ZNF782: variants seen among roughly 807,000 people sequenced by gnomAD.
The protein encoded by ZNF782 is zinc finger protein 782.
In ZNF782, 12 loss-of-function variants were observed where a neutral mutation model predicts 13.0. The ratio of observed to expected loss-of-function variants is 0.92; its 90% CI spans 0.59 to 1.50. The LOEUF (loss-of-function observed/expected upper bound fraction) is 1.50. ZNF782 is among the 40% of genes most tolerant of loss of function. ZNF782 has a pLI of 0.00. For synonymous variants in ZNF782, 284 were observed against 283.0 expected, an observed-to-expected ratio of 1.00 and a Z score of -0.04; for missense variants, 770 against 822.9, an observed-to-expected ratio of 0.94 and a Z score of 0.79.
Position 96,817,556 on chromosome 9 carries a change from G to A in ZNF782, c.*367C>T, listed in dbSNP as rs1850210941. The A allele has an allele frequency of 5.6e-6, 1 of 177,948 alleles. No homozygotes were observed. Among genetic ancestry groups the A allele is most frequent in the Non-Finnish European group, 1.2e-5 (1 of 85,862 alleles). The allele number at this position is 177,948 out of a possible 1,614,324, so 11.0% of individuals were successfully genotyped here. A position where few individuals can be genotyped will look rare whatever the true frequency, so the allele number is the denominator to read the frequency against. ...TTGTCATTGTGTGATTTCTCTGATGGTGAATGAGTTTTGATTGTTGGCACA... is the reference window on the plus strand; with the variant it reads ...TTGTCATTGTGTGATTTCTCTGATGATGAATGAGTTTTGATTGTTGGCACA... On this transcript the variant is annotated 3_prime_UTR_variant, in exon 6 of 6. Transcript: ENST00000481138.
upstream of ZNF782, among the ~76,000 whole-genome samples, chr9:96,858,469 G>A (rs1851669659): frequency 6.6e-6 from 1 of 152,160 alleles, no homozygotes. The surrounding 1 kb of genome is among the most constrained non-coding windows in gnomAD (Gnocchi z 4.4). Context: ...GGCACCAACT[G>A]GACACAGAAA....
intron 4 of ZNF782, among the ~76,000 whole-genome samples, chr9:96,828,472 T>C (rs1172729842): frequency 6.6e-6 from 1 of 152,116 alleles, no homozygotes; most frequent in Non-Finnish European, 1.5e-5. Flanking sequence ...AATTACTAGG[T>C]ATGAACAGAA....
At chr9:96,833,189 G>A (rs899077248) in intron 4 of ZNF782, among the ~76,000 whole-genome samples, 6 of 152,078 alleles carry the variant, frequency 3.9e-5, no homozygotes, top group African/African-American at 9.7e-5. Flanking sequence ...AATTTCCCTC[G>A]CTATTAACAA....
the ZNF782 span, among the ~76,000 whole-genome samples, chr9:96,915,152 A>T: frequency 6.6e-6 from 1 of 151,802 alleles, no homozygotes; most frequent in East Asian, 1.9e-4. Flanking sequence ...TTAGGTATCC[A>T]ATATAATAAA....
At position 96,819,350 on chromosome 9, in the gene ZNF782, G is replaced by T; in HGVS notation, c.673C>A (p.Leu225Ile). The T allele has an allele frequency of 6.2e-7, 1 of 1,600,368 alleles. No individual in the cohort carries two copies. The highest frequency in any genetic ancestry group is 8.5e-7 in the Non-Finnish European group (1 of 1,175,262). The change falls in exon 6 of 6, where the codon CTT (leucine) becomes ATT (isoleucine). Residue 225 changes from leucine (L) to isoleucine (I), a missense_variant. Leu to Ile is a conservative substitution (Grantham distance 5). Transcript: ENST00000481138. Reference protein sequence around the residue: ...FEYNESRKAFLEKAALVTSNS... With the variant: ...FEYNESRKAFIEKAALVTSNS... ...GATGTAACAAGGGCAGCCTTTTCAA[G>T]AAAAGCTTTTCTACTTTCATTATAT...
At chr9:96,929,791 G>A in the ZNF782 span, among the ~76,000 whole-genome samples, 1 of 152,212 alleles carries the variant, frequency 6.6e-6, no homozygotes. Context: ...CTAGCTCGTG[G>A]CCCGTCCTCT....
the ZNF782 span, among the ~76,000 whole-genome samples, chr9:96,914,123 AT>A: frequency 6.6e-6 from 1 of 151,150 alleles, no homozygotes; most frequent in Non-Finnish European, 1.5e-5. Flanking sequence ...GCCTTCACTT[AT>A]GTTATTTTAT....
At chr9:96,931,650 C>A in the ZNF782 span, 71 of 1,572,872 alleles carry the variant, frequency 4.5e-5, no homozygotes, top group Non-Finnish European at 5.5e-5. Context: ...TGTTGGGACT[C>A]CCCTGATTCC....
the ZNF782 span, chr9:96,929,079 T>G: frequency 6.2e-7 from 1 of 1,610,872 alleles, no homozygotes; most frequent in Non-Finnish European, 8.5e-7. Flanking sequence ...TAGTCTGCCT[T>G]GCCTCAACTC....
At chr9:96,819,872 G>T in intron 5 of ZNF782, 94 bp from the exon 6 acceptor site, 1 of 996,538 alleles carries the variant, frequency 1.0e-6, no homozygotes, top group Non-Finnish European at 1.3e-6. Context: ...TTATGTATTT[G>T]ATTCCTTAGT....
intron 5 of ZNF782, among the ~76,000 whole-genome samples, chr9:96,822,354 G>A (rs892762007): frequency 6.6e-6 from 1 of 152,194 alleles, no homozygotes; most frequent in Admixed American, 6.5e-5. Flanking sequence ...TTTTTAGTGG[G>A]TTATAATCCA....
the ZNF782 span, among the ~76,000 whole-genome samples, chr9:96,931,514 C>A: frequency 8.3e-3 from 1,262 of 151,494 alleles, 17 homozygotes; most frequent in African/African-American, 0.028. Flanking sequence ...AGACAAGGGT[C>A]AGGGAGTCTT....
chr9:96,866,751 G>C (rs968030764), intron 1 of ZNF782, among the ~76,000 whole-genome samples: 1 of 152,126 alleles, frequency 6.6e-6, no homozygotes, highest in South Asian at 2.1e-4. Flanking sequence ...AAAGCCACAA[G>C]GGCAGAGCTG....
chr9:96,912,282 T>C, the ZNF782 span, among the ~76,000 whole-genome samples: 243 of 147,750 alleles, frequency 1.6e-3, 2 homozygotes, highest in African/African-American at 5.9e-3. Flanking sequence ...CTTTTTTTTT[T>C]CTGGGAGGCT....
chr9:96,857,562 A>T (rs1426632440), upstream of ZNF782, among the ~76,000 whole-genome samples: 1 of 152,236 alleles, frequency 6.6e-6, no homozygotes. Flanking sequence ...AGTTATGCTG[A>T]TATTGACATT....
intron 4 of ZNF782, among the ~76,000 whole-genome samples, chr9:96,833,246 GT>G (rs1230895170): frequency 4.6e-5 from 7 of 151,940 alleles, no homozygotes; most frequent in African/African-American, 1.7e-4. Flanking sequence ...TCCGATGGCA[GT>G]TTTTTCATAA....
At position 96,816,931 on chromosome 9, in the gene ZNF782, A is replaced by G. The variant is rs1048552227; in HGVS notation, c.*992T>C. On this transcript the variant is annotated 3_prime_UTR_variant, in exon 6 of 6. Transcript: ENST00000481138. ...AGATGTCCTGAAAAATCATACTCCT[A>G]AGTTTTATTATGTGAGGGTTGTTGA... The G allele has an allele frequency of 5.3e-5, 8 of 152,136 alleles. No individual in the cohort carries two copies. In the East Asian group the frequency reaches 1.3e-3, roughly 26 times the overall value. 9.4% of individuals were successfully genotyped at this position (152,136 alleles called of 1,614,324 possible).
Position 96,837,906 on chromosome 9 carries a change from T to C in ZNF782, c.142+6984A>G, listed in dbSNP as rs1851051479. On this transcript the variant is annotated intron_variant, in intron 4 of 5. Transcript: ENST00000481138. ...TGCCTGGCTCATTTTTATATTTTTTTGTAGAGACAGAATCTCCCTATGTTG... is the reference window on the plus strand; with the variant it reads ...TGCCTGGCTCATTTTTATATTTTTTCGTAGAGACAGAATCTCCCTATGTTG... 1.3e-5 allele frequency among the ~76,000 whole-genome samples: 2 copies of C among 152,174 alleles called. 1 individual carries two copies. The highest frequency in any genetic ancestry group is 3.8e-4 in the East Asian group (2 of 5,198).
intron 1 of ZNF782, among the ~76,000 whole-genome samples, chr9:96,871,286 CT>C (rs909151077): frequency 4.9e-4 from 72 of 145,550 alleles, no homozygotes; most frequent in African/African-American, 5.0e-4. Context: ...TGTATTTCTT[CT>C]TTTTTTTTTT....
Sources: allele counts gnomAD v4.1 joint callset (sites outside exome capture counted in the v4.1 genomes callset), GRCh38; gene constraint gnomAD v4.1.1; non-coding constraint Gnocchi (gnomAD v3.1); transcripts MANE v1.5; gene names NCBI Gene and HGNC (gene_info 2026-07-23, HGNC 2026-07-21).